The following ZPBP variants were observed in gnomAD, a reference collection of about 807,000 sequenced individuals.
ZPBP encodes zona pellucida binding protein.
ZPBP carries 26 observed loss-of-function variants against 44.8 expected under a neutral mutation model. That is an observed-to-expected ratio of 0.58 (90% CI 0.43 to 0.81). The LOEUF is 0.81. Among genes scored for constraint, ZPBP ranks in the 30% least tolerant of loss-of-function variants. ZPBP has a pLI of 0.00. For synonymous variants in ZPBP, 174 were observed against 153.2 expected (o/e 1.14, Z -1.00); for missense variants, 409 against 434.0 (o/e 0.94, Z 0.51).
intron 2 of ZPBP, among the ~76,000 whole-genome samples, chr7:49,893,635 G>GTTT (rs879726154): frequency 1.4e-5 from 1 of 72,638 alleles, no homozygotes; most frequent in Non-Finnish European, 3.1e-5. Context: ...TAGGAAACCA[G>GTTT]TTTTTTTTTT....
At chr7:49,980,881 T>C (rs1004259899) in intron 7 of ZPBP, among the ~76,000 whole-genome samples, 46 of 152,150 alleles carry the variant, frequency 3.0e-4, no homozygotes, top group Admixed American at 2.0e-3. Flanking sequence ...TAATTGTTCT[T>C]TTCTCCTTTC....
At chr7:50,063,082 T>C (rs902497514) in intron 3 of ZPBP, among the ~76,000 whole-genome samples, 5 of 152,224 alleles carry the variant, frequency 3.3e-5, no homozygotes, top group African/African-American at 1.2e-4. Context: ...TTTTTTACTT[T>C]TCAAGAAATA....
rs143017705 is a variant in ZPBP, at chr7:50,001,733, C to T, written c.783+16507G>A. Among the ~76,000 whole-genome samples, 15 of 152,144 alleles carry T rather than the reference C, an allele frequency of 9.9e-5. 1 individual carries two copies. The East Asian group carries it at 2.9e-3, about 29-fold the overall frequency. ...CCTTACTACCTTGAAAAAGTTTTAGCTGTGGTAATGATGGGAAACCCGGGA... is the reference window on the plus strand; with the variant it reads ...CCTTACTACCTTGAAAAAGTTTTAGTTGTGGTAATGATGGGAAACCCGGGA... On this transcript the variant is annotated intron_variant, in intron 6 of 7. Transcript: ENST00000046087.
intron 4 of ZPBP, among the ~76,000 whole-genome samples, chr7:50,051,975 T>A (rs549267708): frequency 4.6e-4 from 70 of 151,582 alleles, no homozygotes; most frequent in African/African-American, 9.9e-4. Context: ...AATTTTTTTT[T>A]AAAAAAAGGA....
At chr7:49,934,919 G>T (rs1466290902), downstream of ZPBP, among the ~76,000 whole-genome samples, 1 of 152,102 alleles carries the variant, frequency 6.6e-6, no homozygotes, top group African/African-American at 2.4e-5. Flanking sequence ...ATTATCAGAT[G>T]ATATAATTGC....
intron 6 of ZPBP, among the ~76,000 whole-genome samples, chr7:49,998,321 T>C (rs1054304559): frequency 6.6e-6 from 1 of 152,208 alleles, no homozygotes; most frequent in African/African-American, 2.4e-5. Context: ...TATTCGGCCC[T>C]GCAGCTATAG....
intron 6 of ZPBP, among the ~76,000 whole-genome samples, chr7:50,005,426 A>C (rs1305365018): frequency 6.6e-6 from 1 of 152,112 alleles, no homozygotes; most frequent in Non-Finnish European, 1.5e-5. Context: ...AAAAACCAAA[A>C]GCATAAATTT....
At position 49,875,395 on chromosome 7, in the gene ZPBP, A is replaced by AAAC. The variant is rs1216182796; in HGVS notation, n.510-24884_510-24882dup. Among the ~76,000 whole-genome samples the AAAC allele has an allele frequency of 4.6e-4, 69 of 149,592 alleles. 1 individual carries two copies. Among genetic ancestry groups the AAAC allele is most frequent in the African/African-American group, 1.6e-3 (65 of 40,360 alleles). Reference sequence around the variant, plus strand: ...AAAAAAAAAAAAAAAAAAAAAAAAAAAACAGGAATAAATGTCATGTTACAT... The same window carrying AAAC: ...AAAAAAAAAAAAAAAAAAAAAAAAAAAACAACAGGAATAAATGTCATGTTACAT... On this transcript the variant is annotated intron_variant and non_coding_transcript_variant, in intron 2 of 2. Transcript: ENST00000465922.
At chr7:49,982,236 TATA>T (rs1400569744) in intron 7 of ZPBP, among the ~76,000 whole-genome samples, 1 of 108,202 alleles carries the variant, frequency 9.2e-6, no homozygotes, top group Non-Finnish European at 1.7e-5. Flanking sequence ...TAATATATAA[TATA>T]ATTATATTAT....
At chr7:49,989,468 A>G (rs534656465) in intron 6 of ZPBP, among the ~76,000 whole-genome samples, 40 of 152,344 alleles carry the variant, frequency 2.6e-4, no homozygotes, top group African/African-American at 9.6e-4. Flanking sequence ...AGGTCTATGT[A>G]AAAATAATTA....
chr7:50,062,767 TA>T (rs1801306976), intron 3 of ZPBP, among the ~76,000 whole-genome samples: 2 of 152,120 alleles, frequency 1.3e-5, no homozygotes, highest in South Asian at 4.1e-4. Context: ...GACACCAAGT[TA>T]ACAACTATCC....
At chr7:49,869,462 G>A (rs947491051) in intron 2 of ZPBP, among the ~76,000 whole-genome samples, 1 of 152,120 alleles carries the variant, frequency 6.6e-6, no homozygotes, top group Admixed American at 6.5e-5. Flanking sequence ...ATCGGATATA[G>A]GGAAAAAATT....
chr7:49,868,074 T>G (rs867524602), intron 2 of ZPBP, among the ~76,000 whole-genome samples: 1 of 152,130 alleles, frequency 6.6e-6, no homozygotes, highest in Non-Finnish European at 1.5e-5. Flanking sequence ...CCTCAAATGA[T>G]CCACCCACCT....
At chr7:49,941,120 C>T (rs1794864126) in intron 7 of ZPBP, among the ~76,000 whole-genome samples, 1 of 152,102 alleles carries the variant, frequency 6.6e-6, no homozygotes, top group African/African-American at 2.4e-5. Flanking sequence ...CAACCATTAG[C>T]ACAGACACTA....
At chr7:49,938,237 G>A (rs112151204) in intron 7 of ZPBP, among the ~76,000 whole-genome samples, 3 of 9,860 alleles carry the variant, frequency 3.0e-4, no homozygotes, top group African/African-American at 9.7e-4. Context: ...GAAAGAGACT[G>A]CATTTTTTTC....
intron 7 of ZPBP, chr7:49,940,795 T>G (rs1794845711): frequency 1.0e-6 from 1 of 985,358 alleles, no homozygotes; most frequent in African/African-American, 1.7e-5. Context: ...ACTAAATTTA[T>G]GACCTTCTGA....
chr7:49,877,962 C>A (rs1027980334), intron 2 of ZPBP, among the ~76,000 whole-genome samples: 7 of 152,164 alleles, frequency 4.6e-5, no homozygotes, highest in African/African-American at 1.2e-4. Flanking sequence ...AGTGCCATAT[C>A]ATTTGGGTTA....
intron 4 of ZPBP, among the ~76,000 whole-genome samples, chr7:50,048,403 C>G (rs1369967468): frequency 1.3e-5 from 2 of 152,094 alleles, no homozygotes. Context: ...AACTGGCTAA[C>G]AGCAGCAGAA....
At chr7:49,938,714 CTT>C (rs921287582) in intron 7 of ZPBP, among the ~76,000 whole-genome samples, 1 of 152,092 alleles carries the variant, frequency 6.6e-6, no homozygotes, top group Non-Finnish European at 1.5e-5. Context: ...TTCTGTTCCT[CTT>C]TTTCCTGTTG....
Sources: allele counts gnomAD v4.1 joint callset (sites outside exome capture counted in the v4.1 genomes callset), GRCh38; gene constraint gnomAD v4.1.1; transcripts MANE v1.5; gene names NCBI Gene and HGNC (gene_info 2026-07-23, HGNC 2026-07-21).